Variants in GNAS observed in about 807,000 individuals in gnomAD.
GNAS encodes the protein protein ALEX.
A neutral mutation model predicts 54.5 loss-of-function variants in GNAS; 8 were observed. The observed-to-expected ratio is 0.15, with a 90% CI of 0.09 to 0.26. The LOEUF (loss-of-function observed/expected upper bound fraction) is 0.26, where lower values mean the gene tolerates loss of function less well. Among genes scored for constraint, GNAS ranks in the 10% least tolerant of loss-of-function variants. The probability of loss-of-function intolerance (pLI) is 1.00; values close to 1 mark genes in which losing one functional copy is unlikely to be tolerated. For missense variants in GNAS, 170 were observed against 529.8 expected (o/e 0.32, Z 6.67); for synonymous variants, 204 against 191.4 (o/e 1.07, Z -0.54).
chr20:58,865,617 C>T (rs867174854), intron 1 of GNAS, among the ~76,000 whole-genome samples: 21 of 150,174 alleles, frequency 1.4e-4, no homozygotes, highest in African/African-American at 4.9e-4. Context: ...ACTCTTGTCG[C>T]CCAGGCTGGA....
chr20:58,869,800 G>C (rs1435883206), intron 1 of GNAS, among the ~76,000 whole-genome samples: 4 of 152,174 alleles, frequency 2.6e-5, no homozygotes, highest in Non-Finnish European at 5.9e-5. Context: ...ACTAGCGAAG[G>C]TGTCCTCTCT....
rs1302154640 is a variant in GNAS, at chr20:58,900,002, T to C, written c.257+1017T>C. The C allele has an allele frequency of 7.0e-6, 5 of 716,368 alleles. No individual in the cohort carries two copies. In the Admixed American group the frequency reaches 8.0e-5, roughly 11 times the overall value. The allele number at this position is 716,368 out of a possible 1,614,324, so 44.4% of individuals were successfully genotyped here. ...GTTTCTCATCTTCCCGGCTATGTCC[T>C]ATCACAATTTGCATGCTGGAATTGC... is the stretch of plus-strand genomic sequence containing the variant. On this transcript the variant is annotated intron_variant, in intron 3 of 12. Coordinates refer to ENST00000371085, the MANE Select transcript of GNAS (RefSeq NM_000516.7).
chr20:58,878,912 T>TGGGGGGGG (rs11086659), intron 1 of GNAS, among the ~76,000 whole-genome samples: 11 of 95,364 alleles, frequency 1.2e-4, no homozygotes, highest in Admixed American at 2.2e-4. Flanking sequence ...GGGGTGCGGG[T>TGGGGGGGG]GGGGGGGGGA....
In GNAS at chr20:58,853,677, C is replaced by T. The variant is rs1308380716; in HGVS notation, c.43+12791C>T. The T allele has an allele frequency of 5.0e-6, 8 of 1,613,734 alleles. No individual in the cohort carries two copies. Among genetic ancestry groups the T allele is most frequent in the Middle Eastern group, 1.6e-4 (1 of 6,062 alleles). On this transcript the variant is annotated intron_variant, in intron 1 of 12. Coordinates refer to the GNAS transcript ENST00000306090. This position sits in a 1 kb window ranked among gnomAD's most constrained non-coding sequence, Gnocchi z 4.4. ...AGGCCTTGAGGCCTTCGGCCCAGCA[C>T]TCATGGAGCCCGGAGCCTTCAGTGG...
intron 1 of GNAS, among the ~76,000 whole-genome samples, chr20:58,886,100 G>A (rs948811892): frequency 2.6e-5 from 4 of 152,170 alleles, no homozygotes; most frequent in African/African-American, 9.7e-5. Context: ...TCAAAAGGTA[G>A]ACAAGGCATT....
chr20:58,864,975 ACTCTCT>A (rs113376325), intron 1 of GNAS, among the ~76,000 whole-genome samples: 7 of 147,804 alleles, frequency 4.7e-5, no homozygotes, highest in Non-Finnish European at 7.5e-5. Context: ...ACGCACGCAC[ACTCTCT>A]CTCTCTCTCT....
intron 1 of GNAS, among the ~76,000 whole-genome samples, chr20:58,879,624 G>A (rs144237020): frequency 4.1e-4 from 62 of 152,294 alleles, no homozygotes; most frequent in African/African-American, 1.4e-3. Context: ...CACTCAGAGG[G>A]GTGCGGAAGG....
intron 3 of GNAS, chr20:58,899,545 C>G (rs564172284): frequency 3.7e-6 from 2 of 542,536 alleles, no homozygotes; most frequent in African/African-American, 1.9e-5. Flanking sequence ...GAATCAAAGG[C>G]ACTTTACGTT....
chr20:58,871,247 T>C (rs922345930), intron 1 of GNAS, among the ~76,000 whole-genome samples: 2 of 152,124 alleles, frequency 1.3e-5, no homozygotes, highest in Non-Finnish European at 2.9e-5. Flanking sequence ...CTTTGGCCAG[T>C]TGTTTATTGT....
At chr20:58,848,467 T>C (rs910351765) in intron 1 of GNAS, among the ~76,000 whole-genome samples, 1 of 152,250 alleles carries the variant, frequency 6.6e-6, no homozygotes, top group Non-Finnish European at 1.5e-5. Context: ...TATTTATCTT[T>C]TCCCATGATG....
In GNAS at chr20:58,909,671, C is replaced by T. The variant is rs1601163579; in HGVS notation, c.719-13C>T. ...CGCTGCTCACGCTCTTGGCTTTGCT[C>T]TCTTTGGTTAAGATGTGACTGCCAT... On this transcript the variant is annotated splice_polypyrimidine_tract_variant and intron_variant, in intron 9 of 12. Coordinates refer to ENST00000371085, the MANE Select transcript of GNAS (RefSeq NM_000516.7). The surrounding 1 kb of genome is among the most constrained non-coding windows in gnomAD (Gnocchi z 7.3). 2.5e-6 allele frequency: 4 copies of T among 1,614,068 alleles called. No individual in the cohort carries two copies. The South Asian group carries it at 3.3e-5, about 13-fold the overall frequency.
At chr20:58,899,033 A>G (rs373454738) in intron 3 of GNAS, 48 bp downstream of exon 3, 3 of 1,423,298 alleles carry the variant, frequency 2.1e-6, no homozygotes, top group Non-Finnish European at 3.0e-6. Flanking sequence ...CCAAACAAAC[A>G]TGAAGATCAT....
chr20:58,903,885 GA>G, intron 5 of GNAS, 94 bp downstream of exon 5: 2 of 1,328,556 alleles, frequency 1.5e-6, no homozygotes, highest in Non-Finnish European at 2.2e-6. Flanking sequence ...ACATGGGCAG[GA>G]GCATCCAAAC....
At chr20:58,870,534 A>C (rs1259184806) in intron 1 of GNAS, among the ~76,000 whole-genome samples, 1 of 152,232 alleles carries the variant, frequency 6.6e-6, no homozygotes, top group Non-Finnish European at 1.5e-5. Context: ...TCTAGATGAA[A>C]TGTAGGATGC....
At chr20:58,855,384 G>T in intron 1 of GNAS, 2 of 1,523,772 alleles carry the variant, frequency 1.3e-6, no homozygotes, top group African/African-American at 1.4e-5. Flanking sequence ...GGGAACCGGG[G>T]AGGGGGTGGC....
In GNAS at chr20:58,909,259, T is replaced by A; in HGVS notation, c.585+43T>A. On this transcript the variant is annotated intron_variant, in intron 7 of 12. Coordinates refer to ENST00000371085, the MANE Select transcript of GNAS (RefSeq NM_000516.7). The surrounding 1 kb of genome is among the most constrained non-coding windows in gnomAD (Gnocchi z 7.3). ...CCACCAGAGGACTCTGAGCCCTCTTTCCAAACTACTCCAGACCTTTGCTTT... is the reference window on the plus strand; with the variant it reads ...CCACCAGAGGACTCTGAGCCCTCTTACCAAACTACTCCAGACCTTTGCTTT... 1 of 1,589,554 alleles carries A rather than the reference T, an allele frequency of 6.3e-7. No individual in the cohort carries two copies. The highest frequency in any genetic ancestry group is 1.1e-5 in the South Asian group (1 of 90,616).
In GNAS at chr20:58,904,507, T is replaced by C. The variant is rs1395528156; in HGVS notation, c.432+716T>C. Among the ~76,000 whole-genome samples, 3 of 152,370 alleles carry C rather than the reference T, an allele frequency of 2.0e-5. No homozygotes were observed. The East Asian group carries it at 5.8e-4, about 29-fold the overall frequency. On this transcript the variant is annotated intron_variant, in intron 5 of 12. Transcript: ENST00000371085. The stretch of plus-strand genomic sequence containing the variant: ...CTGTTCAAGCCCAAGCATATAAGTT[T>C]AGGCCCCTTCGTGGGGAGAATGGCT...
intron 1 of GNAS, among the ~76,000 whole-genome samples, chr20:58,886,343 T>G (rs2145828799): frequency 6.6e-6 from 1 of 152,342 alleles, no homozygotes; most frequent in South Asian, 2.1e-4. Context: ...AGGGATGTGT[T>G]ATGATCTCAA....
intron 1 of GNAS, among the ~76,000 whole-genome samples, chr20:58,851,668 A>G (rs2086180431): frequency 6.6e-6 from 1 of 152,206 alleles, no homozygotes; most frequent in Non-Finnish European, 1.5e-5. Flanking sequence ...GCTAGCTCTG[A>G]GCTCACCGCA....
Sources: gnomAD v4.1 joint callset for allele counts (sites outside exome capture counted in the v4.1 genomes callset) on GRCh38, gnomAD v4.1.1 for gene constraint, Gnocchi (gnomAD v3.1) non-coding constraint, MANE v1.5 for transcripts, NCBI Gene and HGNC (gene_info 2026-07-23, HGNC 2026-07-21) for gene names.